Variants in ADGRB3 observed in about 807,000 individuals in gnomAD.
ADGRB3 encodes adhesion G protein-coupled receptor B3.
ADGRB3 carries 37 observed loss-of-function variants against 193.4 expected under a neutral mutation model. That is an observed-to-expected ratio of 0.19 (90% CI 0.15 to 0.25). The LOEUF is 0.25. Ranked by LOEUF, ADGRB3 falls within the 10% of genes least tolerant of loss-of-function variation. The pLI, the probability that ADGRB3 is intolerant of heterozygous loss-of-function variation, is 1.00. For synonymous variants in ADGRB3, 690 were observed against 644.2 expected (o/e 1.07, Z -1.08); for missense variants, 1,637 against 1,852.9 (o/e 0.88, Z 2.14).
At chr6:69,158,616 A>C (rs1774907827) in intron 17 of ADGRB3, among the ~76,000 whole-genome samples, 1 of 152,124 alleles carries the variant, frequency 6.6e-6, no homozygotes, top group Non-Finnish European at 1.5e-5. Flanking sequence ...TTATTGATAA[A>C]TGTTTATTAT....
At chr6:69,205,245 G>A (rs1158867150) in intron 17 of ADGRB3, among the ~76,000 whole-genome samples, 1 of 152,048 alleles carries the variant, frequency 6.6e-6, no homozygotes, top group Non-Finnish European at 1.5e-5. Context: ...GGTCCTCATT[G>A]CTGCGGCATT....
chr6:68,921,770 T>A (rs902091214), intron 3 of ADGRB3, among the ~76,000 whole-genome samples: 5 of 151,718 alleles, frequency 3.3e-5, no homozygotes, highest in Admixed American at 2.0e-4. Flanking sequence ...ACAGATATTA[T>A]CTTCTGAGGT....
intron 15 of ADGRB3, among the ~76,000 whole-genome samples, chr6:69,059,929 T>G (rs1022746694): frequency 6.6e-6 from 1 of 152,094 alleles, no homozygotes; most frequent in African/African-American, 2.4e-5. Context: ...TATTAAAATG[T>G]TCCAAAGAAT....
At chr6:69,373,593 A>T (rs1413089153) in intron 30 of ADGRB3, among the ~76,000 whole-genome samples, 1 of 152,102 alleles carries the variant, frequency 6.6e-6, no homozygotes, top group Non-Finnish European at 1.5e-5. Flanking sequence ...AGTTTTTAGC[A>T]TAAAAGTATC....
Position 68,956,301 on chromosome 6 carries a change from A to ATG in ADGRB3, c.1360+139_1360+140dup, listed in dbSNP as rs3831272. On this transcript the variant is annotated intron_variant, in intron 7 of 31. Transcript: ENST00000370598. ...GAAAGAAGATAATCATTATATATAT[A>ATG]TGTGTGTGTGTGTGTGTGTGTGTGT... 1.3e-3 allele frequency: 1,135 copies of ATG among 878,958 alleles called. 1 individual carries two copies. The highest frequency in any genetic ancestry group is 5.9e-3 in the African/African-American group (332 of 56,232). The allele number at this position is 878,958 out of a possible 1,614,324, so 54.4% of individuals were successfully genotyped here. A position where few individuals can be genotyped will look rare whatever the true frequency, so the allele number is the denominator to read the frequency against.
rs565101871 is a variant in ADGRB3 at position 69,281,603 on chromosome 6, A to G, written c.2814+42377A>G. Among the ~76,000 whole-genome samples, 25 of 152,246 alleles carry G rather than the reference A, an allele frequency of 1.6e-4. No homozygotes were observed. In the South Asian group the frequency reaches 5.2e-3, roughly 32 times the overall value. On this transcript the variant is annotated intron_variant, in intron 20 of 31. Coordinates refer to ENST00000370598, the MANE Select transcript of ADGRB3 (RefSeq NM_001704.3). ...CTGCACCTGCTGCACCTCAGCCTAC[A>G]TTGCTCTAAGTTCTCTCAAATATGA... is the stretch of plus-strand genomic sequence containing the variant.
At chr6:69,355,581 G>A (rs1769320555) in intron 27 of ADGRB3, among the ~76,000 whole-genome samples, 1 of 151,882 alleles carries the variant, frequency 6.6e-6, no homozygotes, top group Non-Finnish European at 1.5e-5. Flanking sequence ...GATGACACTG[G>A]GTATTGTATT....
At chr6:69,247,605 T>G (rs542552929) in intron 20 of ADGRB3, among the ~76,000 whole-genome samples, 1 of 152,328 alleles carries the variant, frequency 6.6e-6, no homozygotes, top group South Asian at 2.1e-4. Flanking sequence ...TCATAGCATG[T>G]GATACATACC....
At chr6:69,244,123 G>C (rs1215632077) in intron 20 of ADGRB3, among the ~76,000 whole-genome samples, 1 of 151,940 alleles carries the variant, frequency 6.6e-6, no homozygotes, top group African/African-American at 2.4e-5. Flanking sequence ...GTGGAGCATT[G>C]TATTACATAA....
intron 3 of ADGRB3, among the ~76,000 whole-genome samples, chr6:68,898,753 T>G (rs932368633): frequency 2.0e-5 from 3 of 152,134 alleles, no homozygotes; most frequent in African/African-American, 7.2e-5. Context: ...GTTCATTACA[T>G]GTACCCTTGA....
rs547085554 is a variant in ADGRB3, at chr6:69,329,725, A to G, written c.3036-781A>G. On this transcript the variant is annotated intron_variant, in intron 22 of 31. Transcript: ENST00000370598. ...ACTTTTTGCACCAGCAGCCCCTCAC[A>G]CTTCCCTCATTTTCACTTTCCTGGA... Among the ~76,000 whole-genome samples, 18 of 152,250 alleles carry G rather than the reference A, an allele frequency of 1.2e-4. No homozygotes were observed. The South Asian group carries it at 2.1e-3, about 18-fold the overall frequency.
At chr6:69,334,973 A>G (rs1561990995) in intron 24 of ADGRB3, among the ~76,000 whole-genome samples, 1 of 152,166 alleles carries the variant, frequency 6.6e-6, no homozygotes, top group Non-Finnish European at 1.5e-5. Context: ...CATTCACTCA[A>G]CAGTGGCTGC....
chr6:68,696,444 T>C (rs10452572), intron 3 of ADGRB3, among the ~76,000 whole-genome samples: 5 of 151,676 alleles, frequency 3.3e-5, no homozygotes, highest in Non-Finnish European at 7.4e-5. Flanking sequence ...AAAAAACCTA[T>C]GGGATTTTGC....
rs577707208 is a variant in ADGRB3, at chr6:68,910,169, T to C, written c.758-20390T>C. Among the ~76,000 whole-genome samples the C allele has an allele frequency of 6.1e-4, 93 of 152,342 alleles. No individual in the cohort carries two copies. In the South Asian group the frequency reaches 9.5e-3, roughly 16 times the overall value. The stretch of plus-strand genomic sequence containing the variant: ...CTCTGATGGCCAGTGATGATGAGCA[T>C]TTTTTCATGTGTCTTTTGGCTGCAT... On this transcript the variant is annotated intron_variant, in intron 3 of 31. Coordinates refer to ENST00000370598, the MANE Select transcript of ADGRB3 (RefSeq NM_001704.3).
chr6:68,815,852 T>C (rs1015694470), intron 3 of ADGRB3, among the ~76,000 whole-genome samples: 1 of 152,288 alleles, frequency 6.6e-6, no homozygotes, highest in Non-Finnish European at 1.5e-5. Context: ...TTCTTTTTTT[T>C]ATTTGTTGGG....
intron 11 of ADGRB3, among the ~76,000 whole-genome samples, chr6:68,996,092 G>A (rs1769375760): frequency 6.6e-6 from 1 of 152,080 alleles, no homozygotes; most frequent in South Asian, 2.1e-4. Flanking sequence ...GATTAATGTG[G>A]CATAAACTAA....
intron 17 of ADGRB3, among the ~76,000 whole-genome samples, chr6:69,176,449 C>A (rs759729544): frequency 6.6e-6 from 1 of 152,064 alleles, no homozygotes; most frequent in Non-Finnish European, 1.5e-5. Context: ...TATTGATTTG[C>A]GTATGGTAAG....
intron 3 of ADGRB3, among the ~76,000 whole-genome samples, chr6:68,708,597 CA>C (rs1357311356): frequency 1.3e-5 from 2 of 152,072 alleles, no homozygotes; most frequent in Non-Finnish European, 2.9e-5. Flanking sequence ...TTTTTAAAAA[CA>C]AAACCGAAGA....
chr6:69,375,121 C>T (rs985474068), intron 30 of ADGRB3, among the ~76,000 whole-genome samples: 3 of 152,032 alleles, frequency 2.0e-5, no homozygotes, highest in African/African-American at 7.2e-5. Context: ...GAAACCATGC[C>T]TTATAGTCCA....
Sources: allele counts gnomAD v4.1 joint callset (sites outside exome capture counted in the v4.1 genomes callset), GRCh38; gene constraint gnomAD v4.1.1; transcripts MANE v1.5; gene names NCBI Gene and HGNC (gene_info 2026-07-23, HGNC 2026-07-21).